Variants in WDR70 observed in about 807,000 individuals in gnomAD.
The protein encoded by WDR70 is WD repeat domain 70.
A neutral mutation model predicts 88.6 loss-of-function variants in WDR70; 53 were observed. That is an observed-to-expected ratio of 0.60 (90% CI 0.48 to 0.75). The LOEUF (loss-of-function observed/expected upper bound fraction) is 0.75. WDR70 is among the 30% of genes least tolerant of loss of function. WDR70 has a pLI of 0.00. For synonymous variants in WDR70, 280 were observed against 270.0 expected (o/e 1.04, Z -0.36); for missense variants, 610 against 823.2 (o/e 0.74, Z 3.17).
chr5:37,453,797 C>A (rs1738748645), intron 7 of WDR70, among the ~76,000 whole-genome samples: 1 of 152,158 alleles, frequency 6.6e-6, no homozygotes, highest in African/African-American at 2.4e-5. Flanking sequence ...AAAATTTTAT[C>A]TTATTAAGAT....
intron 17 of WDR70, among the ~76,000 whole-genome samples, chr5:37,745,892 C>A (rs1435676747): frequency 1.3e-5 from 2 of 152,126 alleles, no homozygotes; most frequent in Non-Finnish European, 2.9e-5. Context: ...CAAGGAAATT[C>A]AGGACTTGAA....
intron 5 of WDR70, among the ~76,000 whole-genome samples, chr5:37,405,814 T>C (rs1749335386): frequency 6.6e-6 from 1 of 152,144 alleles, no homozygotes; most frequent in South Asian, 2.1e-4. Flanking sequence ...AGGAGCTTCA[T>C]GCAAGAGGAT....
rs181320390 is a variant in WDR70, at chr5:37,588,416, T to C, written c.918-16648T>C. 3.1e-3 allele frequency among the ~76,000 whole-genome samples: 474 copies of C among 152,122 alleles called. 1 individual carries two copies. The highest frequency in any genetic ancestry group is 0.011 in the African/African-American group (444 of 41,504). On this transcript the variant is annotated intron_variant, in intron 9 of 17. Coordinates refer to ENST00000265107, the MANE Select transcript of WDR70 (RefSeq NM_018034.4). Reference sequence around the variant, plus strand: ...TTTGTGAACTTCATGATAGGCTAAATTAAAAGAGGTTAGAGGGAAAAAAGG... The same window carrying C: ...TTTGTGAACTTCATGATAGGCTAAACTAAAAGAGGTTAGAGGGAAAAAAGG...
chr5:37,440,707 CAT>C (rs1195113718), intron 6 of WDR70, among the ~76,000 whole-genome samples: 17 of 152,194 alleles, frequency 1.1e-4, no homozygotes, highest in African/African-American at 4.1e-4. Context: ...AATGATGAAT[CAT>C]ATATACAGTC....
chr5:37,472,954 T>G (rs1739371547), intron 7 of WDR70, among the ~76,000 whole-genome samples: 1 of 152,084 alleles, frequency 6.6e-6, no homozygotes, highest in African/African-American at 2.4e-5. Flanking sequence ...TATATGAAAC[T>G]GCCAAACAGT....
At chr5:37,654,874 A>G (rs1027954740) in intron 10 of WDR70, among the ~76,000 whole-genome samples, 2 of 152,176 alleles carry the variant, frequency 1.3e-5, no homozygotes, top group African/African-American at 4.8e-5. Context: ...TGAATACAGC[A>G]CACTGATGGG....
intron 10 of WDR70, among the ~76,000 whole-genome samples, chr5:37,691,077 A>C (rs1210382847): frequency 6.6e-6 from 1 of 152,240 alleles, no homozygotes; most frequent in African/African-American, 2.4e-5. Flanking sequence ...TTGCAATCCT[A>C]GTCTCCGATA....
At chr5:37,522,874 C>T (rs982453414) in intron 9 of WDR70, among the ~76,000 whole-genome samples, 9 of 152,224 alleles carry the variant, frequency 5.9e-5, no homozygotes, top group African/African-American at 1.4e-4. Context: ...CACGGAGCCT[C>T]GCTCATTGCT....
At chr5:37,623,916 A>G (rs1038805306) in intron 10 of WDR70, among the ~76,000 whole-genome samples, 1 of 152,154 alleles carries the variant, frequency 6.6e-6, no homozygotes, top group Non-Finnish European at 1.5e-5. Flanking sequence ...ATACATATCC[A>G]TGGCATACAT....
At chr5:37,501,427 C>T (rs1313100313) in intron 8 of WDR70, among the ~76,000 whole-genome samples, 2 of 152,026 alleles carry the variant, frequency 1.3e-5, no homozygotes, top group Non-Finnish European at 2.9e-5. Flanking sequence ...CTTTTGGCTT[C>T]CTTGGGCCAC....
intron 7 of WDR70, among the ~76,000 whole-genome samples, chr5:37,457,233 A>C (rs948426814): frequency 2.0e-5 from 3 of 152,110 alleles, no homozygotes; most frequent in Non-Finnish European, 4.4e-5. Context: ...GTAGCTGGGA[A>C]TTCAGGCATG....
intron 17 of WDR70, among the ~76,000 whole-genome samples, chr5:37,749,670 A>G (rs889393779): frequency 6.6e-6 from 1 of 152,134 alleles, no homozygotes; most frequent in African/African-American, 2.4e-5. Context: ...AAGGACTATG[A>G]TGTTTAACTG....
intron 10 of WDR70, among the ~76,000 whole-genome samples, chr5:37,678,473 T>G (rs577286840): frequency 2.6e-5 from 4 of 152,306 alleles, no homozygotes; most frequent in African/African-American, 9.6e-5. Context: ...AAGGATTTTA[T>G]TTCTCCTTCA....
At chr5:37,565,408 A>G (rs577701369) in intron 9 of WDR70, among the ~76,000 whole-genome samples, 1 of 152,230 alleles carries the variant, frequency 6.6e-6, no homozygotes, top group African/African-American at 2.4e-5. Context: ...TTGCTGCTTA[A>G]TGTAAGACTG....
At chr5:37,715,923 C>G (rs532983827) in intron 13 of WDR70, among the ~76,000 whole-genome samples, 1 of 152,144 alleles carries the variant, frequency 6.6e-6, no homozygotes, top group East Asian at 1.9e-4. Context: ...AACACACACA[C>G]ACGCACACAC....
chr5:37,510,079 C>T (rs1370519143), intron 8 of WDR70, among the ~76,000 whole-genome samples: 2 of 149,800 alleles, frequency 1.3e-5, no homozygotes, highest in Admixed American at 1.3e-4. Flanking sequence ...ACAAACACTC[C>T]CCCCCCCAAA....
chr5:37,570,260 T>A (rs1742864064), intron 9 of WDR70, among the ~76,000 whole-genome samples: 1 of 151,988 alleles, frequency 6.6e-6, no homozygotes, highest in African/African-American at 2.4e-5. Context: ...GGTGTTCAGG[T>A]TTTTGGCTTG....
intron 8 of WDR70, among the ~76,000 whole-genome samples, chr5:37,489,351 G>T (rs1446724448): frequency 6.6e-6 from 1 of 152,180 alleles, no homozygotes; most frequent in Admixed American, 6.5e-5. Flanking sequence ...ATTGTGCATG[G>T]TGTTGGTGAT....
At chr5:37,661,880 C>T (rs557229947) in intron 10 of WDR70, among the ~76,000 whole-genome samples, 1 of 152,324 alleles carries the variant, frequency 6.6e-6, no homozygotes, top group East Asian at 1.9e-4. Flanking sequence ...GGTTCAGACT[C>T]TTGCAGCCAG....
Sources: gnomAD v4.1 joint callset for allele counts (sites outside exome capture counted in the v4.1 genomes callset) on GRCh38, gnomAD v4.1.1 for gene constraint, MANE v1.5 for transcripts, NCBI Gene and HGNC (gene_info 2026-07-23, HGNC 2026-07-21) for gene names.